The following PRORP variants were observed in gnomAD, a reference collection of about 807,000 sequenced individuals.
PRORP encodes protein only RNase P catalytic subunit.
PRORP carries 51 observed loss-of-function variants against 59.4 expected under a neutral mutation model. The observed-to-expected ratio is 0.86, with a 90% CI of 0.69 to 1.08. PRORP has a LOEUF of 1.08. PRORP is among the 50% of genes least tolerant of loss of function. PRORP has a pLI of 0.00. For synonymous variants in PRORP, 231 were observed against 245.6 expected (o/e 0.94, Z 0.55); for missense variants, 646 against 690.3 (o/e 0.94, Z 0.72).
chr14:35,193,208 A>G (rs2048927765), intron 5 of PRORP, among the ~76,000 whole-genome samples: 1 of 152,226 alleles, frequency 6.6e-6, no homozygotes, highest in African/African-American at 2.4e-5. Context: ...TAGTTCTTCA[A>G]AATTCTGCTC....
At chr14:35,155,472 A>G (rs1208749990) in intron 4 of PRORP, among the ~76,000 whole-genome samples, 2 of 150,850 alleles carry the variant, frequency 1.3e-5, no homozygotes, top group African/African-American at 4.9e-5. Context: ...CTGTAATCCC[A>G]GCACTTCGGG....
intron 5 of PRORP, among the ~76,000 whole-genome samples, chr14:35,195,047 A>C (rs1007214866): frequency 1.3e-5 from 2 of 152,168 alleles, no homozygotes; most frequent in African/African-American, 4.8e-5. Flanking sequence ...AACAGTGTTC[A>C]GATAAATGTG....
At chr14:35,229,212 A>G (rs77267913) in intron 5 of PRORP, among the ~76,000 whole-genome samples, 9,289 of 152,160 alleles carry the variant, frequency 0.061, 373 homozygotes, top group Middle Eastern at 0.11. Flanking sequence ...TTGGATGCGT[A>G]GTTTGCGATT....
At chr14:35,235,310 A>G in intron 5 of PRORP, 1 of 693,050 alleles carries the variant, frequency 1.4e-6, no homozygotes, top group Non-Finnish European at 2.7e-6. Context: ...ATTGGTCCTG[A>G]TAGCTTCCAC....
At chr14:35,273,349 C>A in intron 7 of PRORP, 86 bp from the exon 8 acceptor site, 1 of 1,336,660 alleles carries the variant, frequency 7.5e-7, no homozygotes, top group Non-Finnish European at 1.0e-6. Flanking sequence ...TCTTCTGGAG[C>A]AAACTTGAGA....
At position 35,124,963 on chromosome 14, in the gene PRORP, G is replaced by A. The variant is rs1323816218; in HGVS notation, c.986+732G>A. ...GCTCATTGTAACCTTTGCCTCCCGG[G>A]TTTTCTCCTGCCTCACACTCCCGAG... On this transcript the variant is annotated intron_variant, in intron 2 of 7. Coordinates refer to ENST00000534898, the MANE Select transcript of PRORP (RefSeq NM_014672.4). Among the ~76,000 whole-genome samples the A allele has an allele frequency of 3.3e-5, 5 of 150,610 alleles. No individual in the cohort carries two copies. The Admixed American group carries it at 3.3e-4, about 10-fold the overall frequency.
intron 4 of PRORP, among the ~76,000 whole-genome samples, chr14:35,169,852 T>C (rs559578304): frequency 4.1e-4 from 62 of 152,358 alleles, no homozygotes; most frequent in African/African-American, 1.3e-3. Flanking sequence ...CCTACAGATA[T>C]AGATTTGTCT....
intron 4 of PRORP, among the ~76,000 whole-genome samples, chr14:35,154,126 T>C (rs1192302933): frequency 6.6e-6 from 1 of 152,098 alleles, no homozygotes; most frequent in African/African-American, 2.4e-5. Flanking sequence ...ACATAACACA[T>C]AGTTATGTGT....
chr14:35,142,316 C>G (rs1225068227), intron 4 of PRORP, among the ~76,000 whole-genome samples: 2 of 141,300 alleles, frequency 1.4e-5, no homozygotes, highest in Non-Finnish European at 1.6e-5. Flanking sequence ...CACCTGGAAG[C>G]TCATCCTGTA....
At chr14:35,183,944 T>G (rs1446529717) in intron 5 of PRORP, among the ~76,000 whole-genome samples, 1 of 152,174 alleles carries the variant, frequency 6.6e-6, no homozygotes, top group Non-Finnish European at 1.5e-5. Context: ...CAATTACCTA[T>G]AAGTGTACAT....
At chr14:35,156,890 CT>C (rs1267175705) in intron 4 of PRORP, among the ~76,000 whole-genome samples, 25 of 151,702 alleles carry the variant, frequency 1.6e-4, no homozygotes, top group Non-Finnish European at 2.9e-4. Context: ...AAATTAATAC[CT>C]TTTTTTGTAG....
At chr14:35,258,479 G>A (rs187364996) in intron 5 of PRORP, among the ~76,000 whole-genome samples, 35 of 152,184 alleles carry the variant, frequency 2.3e-4, no homozygotes, top group Middle Eastern at 3.4e-3. Context: ...GGAAATATTG[G>A]AAACAGAAAC....
At chr14:35,253,569 T>C (rs890273137) in intron 5 of PRORP, among the ~76,000 whole-genome samples, 2 of 152,134 alleles carry the variant, frequency 1.3e-5, no homozygotes, top group Non-Finnish European at 2.9e-5. Context: ...GCTATACTTA[T>C]AGGACAGAGT....
chr14:35,158,894 ATGT>A, intron 4 of PRORP: 1 of 303,650 alleles, frequency 3.3e-6, no homozygotes, highest in Non-Finnish European at 6.4e-6. Flanking sequence ...GAGTTGATTA[ATGT>A]TGTCTTTCCT....
At chr14:35,170,036 C>T (rs1435216062) in intron 4 of PRORP, among the ~76,000 whole-genome samples, 1 of 152,142 alleles carries the variant, frequency 6.6e-6, no homozygotes, top group Non-Finnish European at 1.5e-5. Flanking sequence ...ATGTATTGAT[C>T]CTGTCATCAT....
intron 7 of PRORP, among the ~76,000 whole-genome samples, chr14:35,272,040 AAAACAAC>A (rs1377750285): frequency 6.6e-6 from 1 of 151,554 alleles, no homozygotes; most frequent in Non-Finnish European, 1.5e-5. Context: ...AAAACAAAAA[AAAACAAC>A]AAAAAAAAAA....
At chr14:35,180,002 C>G (rs1186937957) in intron 4 of PRORP, among the ~76,000 whole-genome samples, 4 of 152,218 alleles carry the variant, frequency 2.6e-5, no homozygotes, top group Non-Finnish European at 4.4e-5. Context: ...AGGTCCACTC[C>G]AGACCCTGTT....
At chr14:35,183,887 G>C (rs1187093948) in intron 5 of PRORP, among the ~76,000 whole-genome samples, 8 of 152,128 alleles carry the variant, frequency 5.3e-5, no homozygotes, top group Admixed American at 2.6e-4. Context: ...TCCAGAAAGG[G>C]AATATTCTTC....
chr14:35,128,839 C>T (rs188066655), intron 4 of PRORP, among the ~76,000 whole-genome samples: 1 of 152,130 alleles, frequency 6.6e-6, no homozygotes, highest in Non-Finnish European at 1.5e-5. Context: ...TATTTCTACT[C>T]TGATCTTTAT....
Sources: gnomAD v4.1 joint callset for allele counts (sites outside exome capture counted in the v4.1 genomes callset) on GRCh38, gnomAD v4.1.1 for gene constraint, MANE v1.5 for transcripts, NCBI Gene and HGNC (gene_info 2026-07-23, HGNC 2026-07-21) for gene names.